Variants in PLPP1 observed in about 807,000 individuals in gnomAD.
PLPP1 encodes phospholipid phosphatase 1.
In PLPP1, 24 loss-of-function variants were observed where a neutral mutation model predicts 31.2. The observed-to-expected ratio is 0.77, with a 90% CI of 0.56 to 1.08. The LOEUF (loss-of-function observed/expected upper bound fraction) is 1.08, where lower values mean the gene tolerates loss of function less well. Among genes scored for constraint, PLPP1 ranks in the 50% least tolerant of loss-of-function variants. The probability of loss-of-function intolerance (pLI) is 0.00; values close to 1 mark genes in which losing one functional copy is unlikely to be tolerated. For missense variants in PLPP1, 319 were observed against 342.7 expected (o/e 0.93, Z 0.55); for synonymous variants, 146 against 126.3 (o/e 1.16, Z -1.05).
chr5:55,499,756 C>T (rs1362254471), intron 1 of PLPP1, among the ~76,000 whole-genome samples: 2 of 151,980 alleles, frequency 1.3e-5, no homozygotes, highest in Non-Finnish European at 2.9e-5. Flanking sequence ...TGGAAACAAA[C>T]ATTGACTGAG....
intron 1 of PLPP1, among the ~76,000 whole-genome samples, chr5:55,519,123 T>C (rs1263069656): frequency 6.6e-6 from 1 of 152,190 alleles, no homozygotes; most frequent in African/African-American, 2.4e-5. Flanking sequence ...TTATATTCAA[T>C]GGCAACACTG....
At chr5:55,494,712 T>C (rs757309510) in intron 1 of PLPP1, among the ~76,000 whole-genome samples, 1 of 152,194 alleles carries the variant, frequency 6.6e-6, no homozygotes, top group Non-Finnish European at 1.5e-5. Flanking sequence ...CATGGCACCA[T>C]GTACATATGT....
intron 3 of PLPP1, among the ~76,000 whole-genome samples, chr5:55,460,718 C>T (rs957551417): frequency 6.6e-6 from 1 of 151,952 alleles, no homozygotes; most frequent in Non-Finnish European, 1.5e-5. Flanking sequence ...TGAAGGCATG[C>T]ACCTGTAGTC....
intron 3 of PLPP1, among the ~76,000 whole-genome samples, chr5:55,447,365 T>C (rs1024206089): frequency 6.6e-6 from 1 of 152,232 alleles, no homozygotes; most frequent in Non-Finnish European, 1.5e-5. Flanking sequence ...CAAAGTTGGT[T>C]CTGCTACAAA....
At chr5:55,495,583 G>A (rs1752988049) in intron 1 of PLPP1, among the ~76,000 whole-genome samples, 3 of 152,128 alleles carry the variant, frequency 2.0e-5, no homozygotes, top group Admixed American at 2.0e-4. Flanking sequence ...TCTTTACTGA[G>A]AATATATTAT....
At chr5:55,442,504 T>C (rs1737294166) in intron 3 of PLPP1, among the ~76,000 whole-genome samples, 1 of 151,952 alleles carries the variant, frequency 6.6e-6, no homozygotes, top group Admixed American at 6.6e-5. Flanking sequence ...ACACAAAAAT[T>C]AGCCGGGCGT....
chr5:55,505,373 C>T (rs1225741612), intron 1 of PLPP1, among the ~76,000 whole-genome samples: 1 of 151,588 alleles, frequency 6.6e-6, no homozygotes, highest in African/African-American at 2.4e-5. Context: ...GCAGGAGGAT[C>T]ACTTGAGGCC....
chr5:55,496,710 T>G (rs1753010093), intron 1 of PLPP1, among the ~76,000 whole-genome samples: 2 of 152,230 alleles, frequency 1.3e-5, no homozygotes, highest in South Asian at 4.1e-4. Context: ...CTGTTAGGCA[T>G]GTATGTCTGC....
intron 4 of PLPP1, among the ~76,000 whole-genome samples, chr5:55,438,191 G>A (rs1293366771): frequency 1.4e-5 from 2 of 146,410 alleles, no homozygotes; most frequent in African/African-American, 4.8e-5. Context: ...CTCATACCAT[G>A]GCTGTTCTCC....
At chr5:55,516,515 A>T (rs550203512) in intron 1 of PLPP1, among the ~76,000 whole-genome samples, 1 of 152,342 alleles carries the variant, frequency 6.6e-6, no homozygotes, top group East Asian at 1.9e-4. Context: ...ACAGTATATG[A>T]GCAACAGACA....
chr5:55,495,353 G>A (rs548535693), intron 1 of PLPP1, among the ~76,000 whole-genome samples: 1 of 152,192 alleles, frequency 6.6e-6, no homozygotes, highest in African/African-American at 2.4e-5. Context: ...CTATAGGAGA[G>A]GAAGAAAGGA....
intron 3 of PLPP1, among the ~76,000 whole-genome samples, chr5:55,460,991 C>A (rs1333132609): frequency 6.6e-6 from 1 of 152,156 alleles, no homozygotes; most frequent in Non-Finnish European, 1.5e-5. Flanking sequence ...TCAAGACCAG[C>A]CTGTGCAACA....
intron 1 of PLPP1, among the ~76,000 whole-genome samples, chr5:55,524,025 T>C (rs1347422051): frequency 6.6e-6 from 1 of 152,238 alleles, no homozygotes; most frequent in East Asian, 1.9e-4. Flanking sequence ...CCTAGCATTG[T>C]ATTACAGCAA....
chr5:55,515,653 G>A (rs1753540684), intron 1 of PLPP1, among the ~76,000 whole-genome samples: 1 of 151,684 alleles, frequency 6.6e-6, no homozygotes, highest in Admixed American at 6.6e-5. Flanking sequence ...TGACCCTTCA[G>A]AACAAAGTAG....
intron 1 of PLPP1, among the ~76,000 whole-genome samples, chr5:55,513,594 T>C (rs1484938944): frequency 2.0e-5 from 3 of 152,076 alleles, no homozygotes; most frequent in African/African-American, 7.2e-5. Flanking sequence ...TGAAGAAAGC[T>C]GGCAAATTCT....
At chr5:55,468,195 A>C in intron 2 of PLPP1, 46 bp from the exon 3 acceptor site, 1 of 1,471,650 alleles carries the variant, frequency 6.8e-7, no homozygotes, top group East Asian at 2.3e-5. Flanking sequence ...GCAAGCAGGC[A>C]CTTTAAACAA....
rs1752343151 is a variant in PLPP1 at position 55,468,101 on chromosome 5, T to C, written c.259A>G (p.Asn87Asp). The C allele has an allele frequency of 3.1e-6, 5 of 1,612,488 alleles. No homozygotes were observed. The East Asian group carries it at 1.1e-4, about 36-fold the overall frequency. ...ATGTAGTTATTCCTGATAAAGGAAT[T>C]TGAGTGCAAAAGGTTACAGTAAACA... ...LSVYCNLLHS[N>D]SFIRNNYIAT... The change falls in exon 3 of 6, where the codon AAT becomes GAT. Residue 87 changes from asparagine (N) to aspartate (D), a missense_variant. Asn to Asp is a conservative substitution (Grantham distance 23). Transcript: ENST00000307259.
At chr5:55,520,972 G>A (rs1670185942) in intron 1 of PLPP1, among the ~76,000 whole-genome samples, 1 of 152,164 alleles carries the variant, frequency 6.6e-6, no homozygotes, top group South Asian at 2.1e-4. Flanking sequence ...AGCACTTTAG[G>A]AGGCTGACGC....
intron 2 of PLPP1, among the ~76,000 whole-genome samples, chr5:55,470,189 C>T (rs1388598612): frequency 1.3e-5 from 2 of 152,142 alleles, no homozygotes; most frequent in Non-Finnish European, 2.9e-5. Context: ...CCTCCTTAGG[C>T]CATTAAGGGG....
Sources: gnomAD v4.1 joint callset for allele counts (sites outside exome capture counted in the v4.1 genomes callset) on GRCh38, gnomAD v4.1.1 for gene constraint, MANE v1.5 for transcripts, NCBI Gene and HGNC (gene_info 2026-07-23, HGNC 2026-07-21) for gene names.